DIAPH1: variants seen among roughly 807,000 people sequenced by gnomAD.
DIAPH1 encodes protein diaphanous homolog 1.
A neutral mutation model predicts 140.7 loss-of-function variants in DIAPH1; 46 were observed. That is an observed-to-expected ratio of 0.33 (90% CI 0.26 to 0.42). The LOEUF is 0.42. DIAPH1 is among the 10% of genes least tolerant of loss of function. DIAPH1 has a pLI of 1.00. For synonymous variants in DIAPH1, 565 were observed against 551.6 expected (o/e 1.02, Z -0.34); for missense variants, 1,310 against 1,558.7 (o/e 0.84, Z 2.69).
chr5:141,584,714 T>C (rs565553372), intron 3 of DIAPH1, among the ~76,000 whole-genome samples: 2 of 152,210 alleles, frequency 1.3e-5, no homozygotes, highest in African/African-American at 4.8e-5. Context: ...AACTGGAAAC[T>C]CTATGATAAA....
chr5:141,582,389 ACATAAT>A lies in DIAPH1; in HGVS notation c.621-20_621-15del, dbSNP rs780497323. ...CTATCGTAACTCCTGTATATAGAAGACATAATCAGTGAGGTCCCTTTATTCTCTACC... is the reference window on the plus strand; with the variant it reads ...CTATCGTAACTCCTGTATATAGAAGACAGTGAGGTCCCTTTATTCTCTACC... On this transcript the variant is annotated splice_polypyrimidine_tract_variant and intron_variant, in intron 6 of 27. Transcript: ENST00000389054. The A allele has an allele frequency of 6.3e-7, 1 of 1,599,582 alleles. No individual in the cohort carries two copies. Among genetic ancestry groups the A allele is most frequent in the Non-Finnish European group, 8.6e-7 (1 of 1,166,820 alleles).
At chr5:141,618,777 C>A in intron 1 of DIAPH1, 21 bp downstream of exon 1, 1 of 1,514,440 alleles carries the variant, frequency 6.6e-7, no homozygotes, top group Middle Eastern at 1.8e-4. Context: ...CAGGCAGGAG[C>A]GGGATGGGAG....
At chr5:141,586,234 C>G (rs1368825183) in intron 3 of DIAPH1, among the ~76,000 whole-genome samples, 1 of 152,008 alleles carries the variant, frequency 6.6e-6, no homozygotes. Context: ...TCTTAAGACT[C>G]TTAATGCACT....
chr5:141,606,101 T>C (rs1184735507), intron 1 of DIAPH1, among the ~76,000 whole-genome samples: 2 of 152,170 alleles, frequency 1.3e-5, no homozygotes, highest in East Asian at 3.8e-4. Flanking sequence ...ATTTTGCTTC[T>C]ATTGCCAAAT....
intron 19 of DIAPH1, among the ~76,000 whole-genome samples, 167 bp from the exon 20 acceptor site, chr5:141,529,864 G>A (rs1437128791): frequency 1.3e-5 from 2 of 152,024 alleles, no homozygotes; most frequent in Admixed American, 6.6e-5. Context: ...TGGGCGGATC[G>A]CTTGAGCCCC....
chr5:141,543,873 T>G (rs2099890388), intron 18 of DIAPH1, among the ~76,000 whole-genome samples: 1 of 152,206 alleles, frequency 6.6e-6, no homozygotes, highest in Non-Finnish European at 1.5e-5. Flanking sequence ...GATAAATGTA[T>G]ACATGCATAT....
At chr5:141,550,911 C>T (rs1021143547) in intron 18 of DIAPH1, among the ~76,000 whole-genome samples, 2 of 152,178 alleles carry the variant, frequency 1.3e-5, no homozygotes, top group African/African-American at 4.8e-5. Context: ...AACATCCAAA[C>T]CAAATTTTAA....
In DIAPH1 at chr5:141,517,513, C is replaced by T. The variant is rs370521712; in HGVS notation, c.3662-505G>A. ...TTCCGTAAGTGGCTGGAGAGACTCC[C>T]GCAAAGAGGAACAGCAGCCACGCAC... On this transcript the variant is annotated intron_variant, in intron 27 of 27. Coordinates refer to ENST00000389054, the MANE Select transcript of DIAPH1 (RefSeq NM_005219.5). Among the ~76,000 whole-genome samples, 15 of 152,256 alleles carry T rather than the reference C, an allele frequency of 9.9e-5. No individual in the cohort carries two copies. In the East Asian group the frequency reaches 1.7e-3, roughly 18 times the overall value.
At chr5:141,525,479 G>C (rs1455412126) in intron 26 of DIAPH1, among the ~76,000 whole-genome samples, 1 of 152,172 alleles carries the variant, frequency 6.6e-6, no homozygotes, top group Non-Finnish European at 1.5e-5. Context: ...TTTCAACAAA[G>C]ACATGCTTCT....
rs2099896026 is a variant in DIAPH1 at position 141,576,806 on chromosome 5, T to A, written c.1346A>T (p.Asp449Val). 1 of 1,613,940 alleles carries A rather than the reference T, an allele frequency of 6.2e-7. No homozygotes were observed. The highest frequency in any genetic ancestry group is 1.3e-5 in the African/African-American group (1 of 74,904). Residue 449 changes from aspartate (D) to valine (V), a missense_variant, in exon 13 of 28, where the codon GAT becomes GTT. Asp to Val is a radical substitution (Grantham distance 152, BLOSUM62 -3). This residue lies in a region of DIAPH1 where 589 missense variants were observed against 549.3 expected (regional missense o/e 1.07). Transcript: ENST00000389054. ...SQIVLHKNGA[D>V]PDFKCRHLQI... ...GAGGTGCCGGCACTTGAAGTCAGGA[T>A]CAGCCCCGTTCTTGTGCAGAACTAT...
intron 27 of DIAPH1, among the ~76,000 whole-genome samples, chr5:141,523,733 T>A (rs1026831101): frequency 1.3e-5 from 2 of 151,184 alleles, no homozygotes; most frequent in African/African-American, 2.4e-5. Flanking sequence ...TCTACGTATG[T>A]CTTCTGCTTG....
chr5:141,610,991 G>A (rs772868297), intron 1 of DIAPH1, among the ~76,000 whole-genome samples: 2 of 151,992 alleles, frequency 1.3e-5, no homozygotes, highest in African/African-American at 2.4e-5. Context: ...CCAGGAGACC[G>A]AGGCAGCTGG....
At chr5:141,596,393 C>T (rs1413486231) in intron 1 of DIAPH1, among the ~76,000 whole-genome samples, 2 of 151,900 alleles carry the variant, frequency 1.3e-5, no homozygotes, top group Admixed American at 1.3e-4. Flanking sequence ...GTCCCACCTA[C>T]TCAGGAGGCT....
intron 27 of DIAPH1, among the ~76,000 whole-genome samples, chr5:141,523,463 T>C (rs2099886851): frequency 6.6e-6 from 1 of 152,178 alleles, no homozygotes; most frequent in Admixed American, 6.5e-5. Context: ...AATGCCTGGA[T>C]CACTTGTCCT....
chr5:141,561,123 A>G (rs1219147630), intron 18 of DIAPH1, among the ~76,000 whole-genome samples: 2 of 152,082 alleles, frequency 1.3e-5, no homozygotes, highest in African/African-American at 4.8e-5. Context: ...AATTCTTGGG[A>G]AGGATTTTTG....
chr5:141,615,857 ATG>A (rs1004209376), intron 1 of DIAPH1, among the ~76,000 whole-genome samples: 10 of 152,250 alleles, frequency 6.6e-5, no homozygotes, highest in African/African-American at 2.4e-4. Flanking sequence ...AGTCTATTAA[ATG>A]TAAGAATACT....
chr5:141,555,599 G>T (rs1386184452), intron 18 of DIAPH1, among the ~76,000 whole-genome samples: 1 of 152,146 alleles, frequency 6.6e-6, no homozygotes, highest in Non-Finnish European at 1.5e-5. Context: ...GCCTCATGCT[G>T]TCCCTCACCC....
chr5:141,555,677 G>A (rs1376331699), intron 18 of DIAPH1, among the ~76,000 whole-genome samples: 1 of 152,168 alleles, frequency 6.6e-6, no homozygotes, highest in Admixed American at 6.5e-5. Context: ...ACCAAAATAG[G>A]TGGGTATAGA....
In DIAPH1 at chr5:141,575,165, A is replaced by C. The variant is rs2154596349; in HGVS notation, c.1462-19T>G. 6.2e-7 allele frequency: 1 copy of C among 1,613,788 alleles called. No homozygotes were observed. The highest frequency in any genetic ancestry group is 8.5e-7 in the Non-Finnish European group (1 of 1,179,672). On this transcript the variant is annotated intron_variant, in intron 14 of 27. Coordinates refer to ENST00000389054, the MANE Select transcript of DIAPH1 (RefSeq NM_005219.5). ...AGTCCAACTAGAGAAAAAACGAATC[A>C]GGCTCCCAGCAAGCTCTCCATCTCA...
Sources: gnomAD v4.1 joint callset for allele counts (sites outside exome capture counted in the v4.1 genomes callset) on GRCh38, gnomAD v4.1.1 for gene constraint, gnomAD v4.1.1 regional missense constraint, MANE v1.5 for transcripts, NCBI Gene and HGNC (gene_info 2026-07-23, HGNC 2026-07-21) for gene names.